Variants in TNIK observed in about 807,000 individuals in gnomAD.
The protein encoded by TNIK is TRAF2 and NCK-interacting protein kinase.
In TNIK, 49 loss-of-function variants were observed where a neutral mutation model predicts 191.3. The observed-to-expected ratio is 0.26, with a 90% CI of 0.20 to 0.32. The LOEUF (loss-of-function observed/expected upper bound fraction) is 0.32. Among genes scored for constraint, TNIK ranks in the 10% least tolerant of loss-of-function variants. The pLI, the probability that TNIK is intolerant of heterozygous loss-of-function variation, is 1.00. For synonymous variants in TNIK, 594 were observed against 600.9 expected, an observed-to-expected ratio of 0.99 and a Z score of 0.17; for missense variants, 1,155 against 1,702.3, an observed-to-expected ratio of 0.68 and a Z score of 5.66.
rs1305654163 is a variant in TNIK at position 171,093,924 on chromosome 3, A to T, written c.2636T>A (p.Met879Lys). Residue 879 changes from methionine (M) to lysine (K), a missense_variant, in exon 23 of 33, where the codon ATG becomes AAG. Physicochemically the swap from Met to Lys is moderately conservative, Grantham distance 95 (BLOSUM62 -1). Around this residue, in one of 3 missense-constraint regions of TNIK, gnomAD observed 735 missense variants for 848.0 expected, o/e 0.87. Transcript: ENST00000436636. ...PGSNEQYNVG[M>K]VGTHGLETSH... ...GGTCTCCAGCCCATGCGTCCCCACC[A>T]TTCCCACATTGTACTGCTCGTTGCT... 26 of 1,613,854 alleles carry T rather than the reference A, an allele frequency of 1.6e-5. No homozygotes were observed. Among genetic ancestry groups the T allele is most frequent in the Non-Finnish European group, 2.2e-5 (26 of 1,179,830 alleles).
chr3:171,422,374 C>G (rs1219180195), intron 1 of TNIK, among the ~76,000 whole-genome samples: 1 of 152,032 alleles, frequency 6.6e-6, no homozygotes, highest in Non-Finnish European at 1.5e-5. Context: ...TGAATTCAAA[C>G]CAAACACACT....
At chr3:171,439,959 G>T (rs985895318) in intron 1 of TNIK, among the ~76,000 whole-genome samples, 7 of 152,148 alleles carry the variant, frequency 4.6e-5, no homozygotes, top group Non-Finnish European at 7.3e-5. Flanking sequence ...CGAGGGAAGG[G>T]CCATACTCTC....
chr3:171,329,089 T>TACAC (rs140745534), intron 2 of TNIK, among the ~76,000 whole-genome samples: 2 of 151,948 alleles, frequency 1.3e-5, no homozygotes, highest in Admixed American at 6.6e-5. Flanking sequence ...CCTTGCTATA[T>TACAC]ACACACACAC....
rs768135608 is a variant in TNIK, at chr3:171,087,314, G to A, written c.2886+28C>T. On this transcript the variant is annotated intron_variant, in intron 24 of 32. Coordinates refer to ENST00000436636, the MANE Select transcript of TNIK (RefSeq NM_015028.4). ...GAACCCCAGGAAGGACAGCAGAACT[G>A]TCATGTCAGCTGTTGCCCAGCACCT... The A allele has an allele frequency of 4.3e-6, 7 of 1,612,992 alleles. No homozygotes were observed. In the East Asian group the frequency reaches 1.3e-4, roughly 31 times the overall value.
intron 9 of TNIK, among the ~76,000 whole-genome samples, chr3:171,168,320 GT>G (rs1734861966): frequency 6.6e-6 from 1 of 152,196 alleles, no homozygotes; most frequent in South Asian, 2.1e-4. Flanking sequence ...GGAATGATCT[GT>G]TTTGTGCTCT....
chr3:171,417,255 A>T (rs527954526), intron 1 of TNIK, among the ~76,000 whole-genome samples: 84 of 152,304 alleles, frequency 5.5e-4, no homozygotes, highest in Admixed American at 2.4e-3. Flanking sequence ...AATATTCAAT[A>T]AGTGACTCAA....
At chr3:171,287,996 T>C (rs2108223236) in intron 2 of TNIK, among the ~76,000 whole-genome samples, 1 of 150,766 alleles carries the variant, frequency 6.6e-6, no homozygotes, top group Middle Eastern at 3.4e-3. Flanking sequence ...CCATAAAAAA[T>C]GATGAGTTCA....
chr3:171,449,035 G>A (rs1366550898), intron 1 of TNIK, among the ~76,000 whole-genome samples: 1 of 152,046 alleles, frequency 6.6e-6, no homozygotes, highest in East Asian at 1.9e-4. Context: ...AGTTTGCTGA[G>A]AATGATGGTT....
chr3:171,157,315 C>T, intron 12 of TNIK, 145 bp downstream of exon 12: 1 of 1,025,840 alleles, frequency 9.7e-7, no homozygotes, highest in Non-Finnish European at 1.4e-6. Context: ...TAAGAGCATT[C>T]AGGACTTATC....
intron 4 of TNIK, among the ~76,000 whole-genome samples, chr3:171,205,325 T>A (rs1007063914): frequency 6.6e-6 from 1 of 152,214 alleles, no homozygotes; most frequent in Non-Finnish European, 1.5e-5. Context: ...TATCTTCATC[T>A]TTGGTAAGAA....
intron 1 of TNIK, among the ~76,000 whole-genome samples, chr3:171,451,060 C>T (rs1728111871): frequency 6.6e-6 from 1 of 152,158 alleles, no homozygotes; most frequent in African/African-American, 2.4e-5. Flanking sequence ...CTAAGAGGGC[C>T]CTCAGTGACT....
chr3:171,223,791 ATG>A (rs1742649069), intron 3 of TNIK, among the ~76,000 whole-genome samples: 1 of 152,194 alleles, frequency 6.6e-6, no homozygotes, highest in African/African-American at 2.4e-5. Context: ...AATATAAAAA[ATG>A]TAATTAGAGA....
chr3:171,453,016 A>G (rs1728372654), intron 1 of TNIK, among the ~76,000 whole-genome samples: 1 of 152,172 alleles, frequency 6.6e-6, no homozygotes, highest in African/African-American at 2.4e-5. Flanking sequence ...AATGTAATTC[A>G]TGATCCCTGA....
chr3:171,447,001 G>A (rs1434701544), intron 1 of TNIK, among the ~76,000 whole-genome samples: 1 of 152,134 alleles, frequency 6.6e-6, no homozygotes, highest in Non-Finnish European at 1.5e-5. Context: ...GACCAGCCTG[G>A]CCAACACAGT....
intron 1 of TNIK, among the ~76,000 whole-genome samples, chr3:171,453,359 G>A (rs1379043065): frequency 6.6e-6 from 1 of 152,092 alleles, no homozygotes; most frequent in Non-Finnish European, 1.5e-5. Flanking sequence ...TGGAAAAGGT[G>A]GTCTGCGAAT....
intron 18 of TNIK, among the ~76,000 whole-genome samples, chr3:171,121,636 T>C (rs75186888): frequency 6.6e-6 from 1 of 152,236 alleles, no homozygotes; most frequent in Non-Finnish European, 1.5e-5. Flanking sequence ...CACAGCATCA[T>C]GAGAAATATT....
chr3:171,246,600 T>C (rs1745622914), intron 2 of TNIK, among the ~76,000 whole-genome samples: 2 of 152,210 alleles, frequency 1.3e-5, no homozygotes, highest in African/African-American at 4.8e-5. Flanking sequence ...TGCATTTTCT[T>C]TATTGCTTCC....
chr3:171,189,186 T>C (rs1413769843), intron 6 of TNIK, among the ~76,000 whole-genome samples: 1 of 152,216 alleles, frequency 6.6e-6, no homozygotes, highest in Non-Finnish European at 1.5e-5. Flanking sequence ...TTTGTCTTTT[T>C]GTGACTGGCT....
intron 2 of TNIK, among the ~76,000 whole-genome samples, chr3:171,344,473 T>C (rs990929152): frequency 1.3e-5 from 2 of 152,188 alleles, no homozygotes; most frequent in Non-Finnish European, 2.9e-5. Flanking sequence ...GCAGTGTTTT[T>C]ATGGGACAGA....
Sources: allele counts gnomAD v4.1 joint callset (sites outside exome capture counted in the v4.1 genomes callset), GRCh38; gene constraint gnomAD v4.1.1; regional missense constraint gnomAD v4.1.1; transcripts MANE v1.5; gene names NCBI Gene and HGNC (gene_info 2026-07-23, HGNC 2026-07-21).